P2RX4: variants seen among roughly 807,000 people sequenced by gnomAD.
The protein encoded by P2RX4 is purinergic receptor P2X 4, also known as P2X purinoceptor 4.
Under a neutral mutation model 48.0 loss-of-function variants are expected in P2RX4, and 37 were observed. The observed-to-expected ratio is 0.77, with a 90% confidence interval of 0.59 to 1.01. The LOEUF is 1.01. Ranked by LOEUF, P2RX4 falls within the 50% of genes least tolerant of loss-of-function variation. P2RX4 has a pLI of 0.00. For missense variants in P2RX4, 501 were observed against 521.4 expected, an observed-to-expected ratio of 0.96 and a Z score of 0.38; for synonymous variants, 200 against 199.7, an observed-to-expected ratio of 1.00 and a Z score of -0.01.
At chr12:121,216,796 G>A (rs1886251066) in intron 1 of P2RX4, 2 of 591,030 alleles carry the variant, frequency 3.4e-6, no homozygotes, top group African/African-American at 3.7e-5. Flanking sequence ...CTCCAGCTTA[G>A]GCAACAAGAG....
chr12:121,233,396 G>T lies in P2RX4; in HGVS notation c.1141-127G>T, dbSNP rs570734321. 4.3e-6 allele frequency: 4 copies of T among 940,684 alleles called. No individual in the cohort carries two copies. The African/African-American group carries it at 4.9e-5, about 11-fold the overall frequency. 58.3% of individuals were successfully genotyped at this position (940,684 alleles called of 1,614,324 possible). On this transcript the variant is annotated intron_variant, in intron 11 of 11. Coordinates refer to ENST00000337233, the MANE Select transcript of P2RX4 (RefSeq NM_002560.3). ...TTCAGTGCACCTTGCGGAACAGGAA[G>T]GGTTGGGTTCCAGGCCTGGGACCAA... is the stretch of plus-strand genomic sequence containing the variant.
chr12:121,223,159 C>T (rs1886756212), intron 5 of P2RX4, 116 bp downstream of exon 5: 3 of 686,994 alleles, frequency 4.4e-6, no homozygotes. Flanking sequence ...CCACAACCTC[C>T]ACCTCCCGTG....
intron 5 of P2RX4, among the ~76,000 whole-genome samples, chr12:121,224,753 G>A (rs1886872646): frequency 6.6e-6 from 1 of 152,104 alleles, no homozygotes; most frequent in Non-Finnish European, 1.5e-5. Flanking sequence ...AGAAGTGCGT[G>A]CAGCCTAGGG....
intron 1 of P2RX4, chr12:121,216,812 C>T: frequency 1.6e-6 from 1 of 611,688 alleles, no homozygotes. Flanking sequence ...AAGAGCGAAA[C>T]ATCGTCTCAA....
chr12:121,230,880 G>A (rs1034325273), intron 8 of P2RX4, among the ~76,000 whole-genome samples: 1 of 151,910 alleles, frequency 6.6e-6, no homozygotes, highest in Non-Finnish European at 1.5e-5. Flanking sequence ...TCATGCGTGT[G>A]CGCTCTCTCG....
chr12:121,222,829 A>C, intron 4 of P2RX4, 118 bp from the exon 5 acceptor site: 1 of 1,465,556 alleles, frequency 6.8e-7, no homozygotes. Flanking sequence ...CCAGATTTGC[A>C]CAGCTCAAGA....
At chr12:121,220,108 C>T (rs960566994) in intron 2 of P2RX4, among the ~76,000 whole-genome samples, 4 of 152,134 alleles carry the variant, frequency 2.6e-5, no homozygotes, top group African/African-American at 9.7e-5. Flanking sequence ...CTGACCCTGA[C>T]CGAGTCTTCT....
Position 121,222,145 on chromosome 12 carries a change from T to G in P2RX4, c.406T>G (p.Ser136Ala). The G allele has an allele frequency of 6.3e-7, 1 of 1,590,380 alleles. No individual in the cohort carries two copies. The highest frequency in any genetic ancestry group is 8.6e-7 in the Non-Finnish European group (1 of 1,159,370). ...CKSDASCTAGSAGTHSNGVST... is the reference protein window; with the variant it reads ...CKSDASCTAGAAGTHSNGVST... ...ATCAGATGCCAGCTGTACTGCCGGCTCTGCCGGCACCCACAGCAACGGTAC... is the reference window on the plus strand; with the variant it reads ...ATCAGATGCCAGCTGTACTGCCGGCGCTGCCGGCACCCACAGCAACGGTAC... Residue 136 changes from serine (S) to alanine (A), a missense_variant, in exon 4 of 12, where the codon TCT (serine) becomes GCT (alanine). By Grantham distance (99) the Ser-to-Ala change is moderately conservative (BLOSUM62 1). This residue lies in a region of P2RX4 where 295 missense variants were observed against 275.3 expected (regional missense o/e 1.07). Coordinates refer to ENST00000337233, the MANE Select transcript of P2RX4 (RefSeq NM_002560.3).
chr12:121,220,809 ACTCCCT>A (rs1271194851), intron 2 of P2RX4, among the ~76,000 whole-genome samples: 1 of 151,388 alleles, frequency 6.6e-6, no homozygotes, highest in Non-Finnish European at 1.5e-5. Context: ...CACTTCTCTC[ACTCCCT>A]GGCAACCCGT....
At chr12:121,228,385 A>AAAAT (rs1555237658) in intron 5 of P2RX4, 148 bp from the exon 6 acceptor site, 20 of 120,554 alleles carry the variant, frequency 1.7e-4, no homozygotes, top group East Asian at 4.0e-4. Context: ...AAAAAAAAAA[A>AAAAT]ATATATATAT....
chr12:121,212,825 T>TATATATATATATATATATATA (rs1555234768), intron 1 of P2RX4: 1 of 31,146 alleles, frequency 3.2e-5, no homozygotes, highest in Non-Finnish European at 5.9e-5. Context: ...TATATATATA[T>TATATATATATATATATATATA]TTTTTTTTTT....
intron 11 of P2RX4, 143 bp downstream of exon 11, chr12:121,233,235 G>GCCACTCTCAGCAGCTGCTCCATC: frequency 3.0e-6 from 2 of 667,070 alleles, no homozygotes; most frequent in Non-Finnish European, 5.2e-6. Flanking sequence ...GGGCAGTCCT[G>GCCACTCTCAGCAGCTGCTCCATC]CCACTCTCAG....
At chr12:121,217,065 G>A in intron 1 of P2RX4, 69 bp from the exon 2 acceptor site, 8 of 1,505,532 alleles carry the variant, frequency 5.3e-6, no homozygotes, top group Non-Finnish European at 7.4e-6. Flanking sequence ...CTGGCCAGCA[G>A]AAGCTTCCCC....
At position 121,232,887 on chromosome 12, in the gene P2RX4, T is replaced by C. The variant is rs542791783; in HGVS notation, c.1045-110T>C. The C allele has an allele frequency of 1.2e-5, 11 of 923,988 alleles. No homozygotes were observed. Among genetic ancestry groups the C allele is most frequent in the African/African-American group, 1.1e-4 (7 of 61,898 alleles). The allele number at this position is 923,988 out of a possible 1,614,324, so 57.2% of individuals were successfully genotyped here. ...CCTTCTCCCAAGAGATGGGAGTGCCTTTCCATTCCGGTAAAGATTCCAGGC... is the reference window on the plus strand; with the variant it reads ...CCTTCTCCCAAGAGATGGGAGTGCCCTTCCATTCCGGTAAAGATTCCAGGC... On this transcript the variant is annotated intron_variant, in intron 10 of 11. Transcript: ENST00000337233. This position sits in a 1 kb window ranked among gnomAD's most constrained non-coding sequence, Gnocchi z 4.3.
At chr12:121,210,446 C>T (rs1328162102) in intron 1 of P2RX4, 148 bp downstream of exon 1, 15 of 713,044 alleles carry the variant, frequency 2.1e-5, no homozygotes, top group African/African-American at 3.7e-5. Context: ...GCCGCCGCGC[C>T]GGGGCCCCGG....
chr12:121,226,021 G>A (rs1403267726), intron 5 of P2RX4, among the ~76,000 whole-genome samples: 1 of 151,722 alleles, frequency 6.6e-6, no homozygotes, highest in African/African-American at 2.4e-5. Flanking sequence ...GGACCACAGG[G>A]GCGCACCACC....
chr12:121,232,554 A>G lies in P2RX4; in HGVS notation c.978+47A>G, dbSNP rs745334146. The G allele has an allele frequency of 6.3e-7, 1 of 1,598,252 alleles. No homozygotes were observed. ...CCCTCCGTCACTCCCTGCAGGGACA[A>G]GGGGCCTCTCCCTGCCCCTGCAGAA... On this transcript the variant is annotated intron_variant, in intron 9 of 11. Coordinates refer to ENST00000337233, the MANE Select transcript of P2RX4 (RefSeq NM_002560.3). The surrounding 1 kb of genome is among the most constrained non-coding windows in gnomAD (Gnocchi z 4.3).
intron 1 of P2RX4, 107 bp downstream of exon 1, chr12:121,210,405 G>C: frequency 8.6e-7 from 1 of 1,162,706 alleles, no homozygotes. Context: ...GGAGCGGCGA[G>C]CCGAGGCGGT....
chr12:121,216,863 T>G, intron 1 of P2RX4: 1 of 677,010 alleles, frequency 1.5e-6, no homozygotes, highest in East Asian at 2.7e-5. Flanking sequence ...ATAAAGACAG[T>G]ATTCATCGAG....
Sources: allele counts gnomAD v4.1 joint callset (sites outside exome capture counted in the v4.1 genomes callset), GRCh38; gene constraint gnomAD v4.1.1; regional missense constraint gnomAD v4.1.1; non-coding constraint Gnocchi (gnomAD v3.1); transcripts MANE v1.5; gene names NCBI Gene and HGNC (gene_info 2026-07-23, HGNC 2026-07-21).